Variants in LHFPL4 observed in about 807,000 individuals in gnomAD.
The protein encoded by LHFPL4 is LHFPL tetraspan subfamily member 4.
In LHFPL4, 6 loss-of-function variants were observed where a neutral mutation model predicts 20.0. That is an observed-to-expected ratio of 0.30 (90% confidence interval 0.16 to 0.59). LHFPL4 has a LOEUF of 0.59. Ranked by LOEUF, LHFPL4 falls within the 20% of genes least tolerant of loss-of-function variation. The pLI is 0.88. For synonymous variants in LHFPL4, 129 were observed against 143.8 expected, an observed-to-expected ratio of 0.90 and a Z score of 0.74; for missense variants, 215 against 331.2, an observed-to-expected ratio of 0.65 and a Z score of 2.72.
At chr3:9,507,407 T>A (rs969980335) in intron 2 of LHFPL4, among the ~76,000 whole-genome samples, 3 of 152,228 alleles carry the variant, frequency 2.0e-5, no homozygotes, top group Non-Finnish European at 4.4e-5. Flanking sequence ...CCTCAGTTTC[T>A]TCATCTGTAC....
At chr3:9,551,136 C>A (rs140242270) in intron 2 of LHFPL4, 28 of 152,330 alleles carry the variant, frequency 1.8e-4, no homozygotes, top group African/African-American at 6.5e-4. Context: ...TAATTCCCTG[C>A]AATGCTCTGA....
intron 2 of LHFPL4, among the ~76,000 whole-genome samples, chr3:9,507,656 C>T (rs1398351773): frequency 6.6e-6 from 1 of 152,202 alleles, no homozygotes; most frequent in African/African-American, 2.4e-5. Flanking sequence ...CAATGGTTCC[C>T]TAGCTAGCAT....
intron 2 of LHFPL4, among the ~76,000 whole-genome samples, chr3:9,512,418 G>A (rs1192179214): frequency 6.6e-6 from 1 of 152,162 alleles, no homozygotes; most frequent in African/African-American, 2.4e-5. Flanking sequence ...TTGGCAGAGT[G>A]GGAAAATAAT....
At chr3:9,545,251 TGAG>T (rs1415774922) in intron 2 of LHFPL4, among the ~76,000 whole-genome samples, 1 of 150,222 alleles carries the variant, frequency 6.7e-6, no homozygotes, top group Non-Finnish European at 1.5e-5. Context: ...AAGAAAGAAA[TGAG>T]GGAGGAACAG....
chr3:9,536,957 G>T (rs374439161), intron 2 of LHFPL4, among the ~76,000 whole-genome samples: 1 of 151,618 alleles, frequency 6.6e-6, no homozygotes, highest in South Asian at 2.1e-4. Context: ...GTGGTAGTGC[G>T]CGCCTGCAGT....
chr3:9,552,312 G>A lies in LHFPL4; in HGVS notation c.368C>T (p.Thr123Met). ...FSLFFFCNTA[T>M]VYKICAWMQL... is the part of the protein sequence containing the mutation. ...CATCCAGGCGCAGATCTTGTAGACCGTAGCCGTGTTGCAGAAGAAGAAAAG... is the reference window on the plus strand; with the variant it reads ...CATCCAGGCGCAGATCTTGTAGACCATAGCCGTGTTGCAGAAGAAGAAAAG... Residue 123 changes from threonine to methionine, a missense_variant, in exon 2 of 4, where the codon ACG becomes ATG. This residue lies in a region of LHFPL4 where 164 missense variants were observed against 286.7 expected (regional missense o/e 0.57). Transcript: ENST00000287585. 2 of 1,613,320 alleles carry A rather than the reference G, an allele frequency of 1.2e-6. No homozygotes were observed. The highest frequency in any genetic ancestry group is 1.1e-5 in the South Asian group (1 of 90,938).
chr3:9,505,135 T>A (rs975306855), intron 3 of LHFPL4, among the ~76,000 whole-genome samples: 1 of 152,220 alleles, frequency 6.6e-6, no homozygotes, highest in African/African-American at 2.4e-5. Context: ...ACCAGCGCCC[T>A]TGAACGCTTC....
chr3:9,515,784 C>T lies in LHFPL4; in HGVS notation c.407-9581G>A, dbSNP rs896647360. On this transcript the variant is annotated intron_variant, in intron 2 of 3. Transcript: ENST00000287585. Reference sequence around the variant, plus strand: ...CACCCAGGCTGGAGTGGGATGATCTCGGCTCACTGCAACCTCTACCTCCTG... The same window carrying T: ...CACCCAGGCTGGAGTGGGATGATCTTGGCTCACTGCAACCTCTACCTCCTG... 5.3e-5 allele frequency among the ~76,000 whole-genome samples: 8 copies of T among 150,996 alleles called. No individual in the cohort carries two copies. In the South Asian group the frequency reaches 1.1e-3, roughly 20 times the overall value.
chr3:9,542,091 G>C (rs2046480467), intron 2 of LHFPL4, among the ~76,000 whole-genome samples: 2 of 151,966 alleles, frequency 1.3e-5, no homozygotes, highest in South Asian at 4.2e-4. Context: ...ATCGAGACCA[G>C]CCTGGCCAAC....
rs1364059691 is a variant in LHFPL4, at chr3:9,519,825, A to G, written c.407-13622T>C. ...GCCTCAGCCTGAGTATAAGCTGGCT[A>G]ATTTTTTATTTCTTTGCAGAGAAGG... On this transcript the variant is annotated intron_variant, in intron 2 of 3. Transcript: ENST00000287585. 3.3e-5 allele frequency among the ~76,000 whole-genome samples: 5 copies of G among 151,828 alleles called. No homozygotes were observed. The East Asian group carries it at 9.7e-4, about 30-fold the overall frequency.
intron 2 of LHFPL4, among the ~76,000 whole-genome samples, chr3:9,539,194 C>A (rs1280158363): frequency 6.6e-6 from 1 of 152,120 alleles, no homozygotes; most frequent in East Asian, 1.9e-4. Context: ...GTGGCTCACA[C>A]CTGTAATCCA....
intron 3 of LHFPL4, among the ~76,000 whole-genome samples, chr3:9,502,717 AG>A (rs1357333855): frequency 6.7e-6 from 1 of 150,046 alleles, no homozygotes; most frequent in Non-Finnish European, 1.5e-5. Context: ...AAAAAAAAAA[AG>A]GTCAGAGGGG....
At chr3:9,508,677 C>A (rs908993411) in intron 2 of LHFPL4, among the ~76,000 whole-genome samples, 1 of 152,178 alleles carries the variant, frequency 6.6e-6, no homozygotes, top group Admixed American at 6.5e-5. Flanking sequence ...CGGAGAAGGC[C>A]TGGCCGTCAT....
intron 2 of LHFPL4, among the ~76,000 whole-genome samples, chr3:9,520,277 G>C (rs1428830711): frequency 2.0e-5 from 3 of 152,094 alleles, no homozygotes; most frequent in African/African-American, 7.3e-5. Context: ...GCAACATAGT[G>C]TGACTCCATC....
Position 9,501,305 on chromosome 3 carries a change from C to G in LHFPL4, c.*906G>C, listed in dbSNP as rs2046171005. Reference sequence around the variant, plus strand: ...CTGGGGTCCCCTCCACACCCCCAACCCTGACAACAGGGCCAAGAAGTCTGT... The same window carrying G: ...CTGGGGTCCCCTCCACACCCCCAACGCTGACAACAGGGCCAAGAAGTCTGT... On this transcript the variant is annotated 3_prime_UTR_variant, in exon 4 of 4. Transcript: ENST00000287585. 1 of 152,704 alleles carries G rather than the reference C, an allele frequency of 6.5e-6. No individual in the cohort carries two copies. Among genetic ancestry groups the G allele is most frequent in the Non-Finnish European group, 1.5e-5 (1 of 68,320 alleles). 9.5% of individuals were successfully genotyped at this position (152,704 alleles called of 1,614,324 possible).
chr3:9,519,690 C>G (rs1338761175), intron 2 of LHFPL4, among the ~76,000 whole-genome samples: 1 of 152,078 alleles, frequency 6.6e-6, no homozygotes, highest in Non-Finnish European at 1.5e-5. Flanking sequence ...TCCTGAGCAG[C>G]TAGGACTACA....
intron 2 of LHFPL4, among the ~76,000 whole-genome samples, chr3:9,516,928 C>T (rs7647170): frequency 0.35 from 52,925 of 150,992 alleles, 9,926 homozygotes; most frequent in Non-Finnish European, 0.43. Context: ...TAGGGGAGCC[C>T]GCCACCACGC....
At chr3:9,529,845 C>G (rs954920427) in intron 2 of LHFPL4, among the ~76,000 whole-genome samples, 1 of 151,526 alleles carries the variant, frequency 6.6e-6, no homozygotes, top group Non-Finnish European at 1.5e-5. Flanking sequence ...CTTGGCCATG[C>G]TGGTCTTGAA....
intron 2 of LHFPL4, among the ~76,000 whole-genome samples, chr3:9,546,579 C>G (rs2046514821): frequency 6.6e-6 from 1 of 152,196 alleles, no homozygotes; most frequent in South Asian, 2.1e-4. Flanking sequence ...ACAAGTCTCA[C>G]TCTGTCACCA....
Sources: allele counts gnomAD v4.1 joint callset (sites outside exome capture counted in the v4.1 genomes callset), GRCh38; gene constraint gnomAD v4.1.1; regional missense constraint gnomAD v4.1.1; transcripts MANE v1.5; gene names NCBI Gene and HGNC (gene_info 2026-07-23, HGNC 2026-07-21).